PRTFDC1: variants seen among roughly 807,000 people sequenced by gnomAD.
PRTFDC1 encodes the protein phosphoribosyltransferase domain-containing protein 1.
A neutral mutation model predicts 34.6 loss-of-function variants in PRTFDC1; 38 were observed. That is an observed-to-expected ratio of 1.10 (90% CI 0.85 to 1.44). The LOEUF is 1.44. PRTFDC1 is among the 40% of genes most tolerant of loss of function. The probability of loss-of-function intolerance (pLI) is 0.00; values close to 1 mark genes in which losing one functional copy is unlikely to be tolerated. For synonymous variants in PRTFDC1, 93 were observed against 98.1 expected, an observed-to-expected ratio of 0.95 and a Z score of 0.31; for missense variants, 270 against 283.0, an observed-to-expected ratio of 0.95 and a Z score of 0.33.
intron 3 of PRTFDC1, among the ~76,000 whole-genome samples, chr10:24,898,994 C>T (rs1848411773): frequency 6.6e-6 from 1 of 152,152 alleles, no homozygotes. Flanking sequence ...CTCACCAGAA[C>T]CCAGCCATGC....
At chr10:24,911,432 T>C (rs1173236588) in intron 3 of PRTFDC1, among the ~76,000 whole-genome samples, 1 of 152,246 alleles carries the variant, frequency 6.6e-6, no homozygotes, top group African/African-American at 2.4e-5. Flanking sequence ...CGTTGCTTTG[T>C]ATTGCTGAGT....
chr10:24,857,080 T>C, intron 5 of PRTFDC1, 85 bp from the exon 6 acceptor site: 3 of 1,095,382 alleles, frequency 2.7e-6, no homozygotes, highest in Non-Finnish European at 4.2e-6. Context: ...TCCTGATTAA[T>C]AATGCATCGT....
chr10:24,910,970 C>CT (rs1488557132), intron 3 of PRTFDC1, among the ~76,000 whole-genome samples: 1 of 151,438 alleles, frequency 6.6e-6, no homozygotes, highest in Non-Finnish European at 1.5e-5. Flanking sequence ...CAGCTAAGTA[C>CT]TTTTTTTCAA....
In PRTFDC1 at chr10:24,898,332, C is replaced by T. The variant is rs186612818; in HGVS notation, c.340-26269G>A. Reference sequence around the variant, plus strand: ...CACAAAAATTAGCTGGGCCTGGTGGCGCACACCTGGAGTGTCAGCTACTCG... The same window carrying T: ...CACAAAAATTAGCTGGGCCTGGTGGTGCACACCTGGAGTGTCAGCTACTCG... On this transcript the variant is annotated intron_variant, in intron 3 of 8. Transcript: ENST00000320152. Among the ~76,000 whole-genome samples, 5 of 148,342 alleles carry T rather than the reference C, an allele frequency of 3.4e-5. No individual in the cohort carries two copies. In the East Asian group the frequency reaches 7.9e-4, roughly 23 times the overall value.
chr10:24,952,296 A>G lies in PRTFDC1; in HGVS notation c.48+232T>C, dbSNP rs1486557759. ...GCAGGAGCGAGCTACCGGCCGGAGG[A>G]CACGGGGGGACGCTGGGAACTCGGG... is the stretch of plus-strand genomic sequence containing the variant. On this transcript the variant is annotated intron_variant, in intron 1 of 8. Coordinates refer to ENST00000320152, the MANE Select transcript of PRTFDC1 (RefSeq NM_020200.7). This position sits in a 1 kb window ranked among gnomAD's most constrained non-coding sequence, Gnocchi z 5.1. Among the ~76,000 whole-genome samples the G allele has an allele frequency of 3.3e-5, 5 of 151,556 alleles. No individual in the cohort carries two copies. The highest frequency in any genetic ancestry group is 7.4e-5 in the Non-Finnish European group (5 of 67,908).
At chr10:24,951,222 T>C (rs1050984613) in intron 1 of PRTFDC1, among the ~76,000 whole-genome samples, 1 of 151,896 alleles carries the variant, frequency 6.6e-6, no homozygotes, top group African/African-American at 2.4e-5. Flanking sequence ...AAAGCATCAC[T>C]CCCCCCTTCT....
chr10:24,889,315 G>A (rs1025097754), intron 3 of PRTFDC1, among the ~76,000 whole-genome samples: 9 of 151,976 alleles, frequency 5.9e-5, no homozygotes, highest in East Asian at 5.8e-4. Context: ...ATCTGCCAGC[G>A]CCTTGATCTG....
chr10:24,923,832 G>A (rs1848829403), intron 3 of PRTFDC1, among the ~76,000 whole-genome samples: 2 of 152,164 alleles, frequency 1.3e-5, no homozygotes, highest in South Asian at 4.1e-4. Flanking sequence ...GGTTTCAGAA[G>A]GTCGGTAATA....
At chr10:24,922,986 G>A (rs1270053995) in intron 3 of PRTFDC1, among the ~76,000 whole-genome samples, 1 of 152,248 alleles carries the variant, frequency 6.6e-6, no homozygotes, top group East Asian at 1.9e-4. Flanking sequence ...CAGACAAAGA[G>A]ATTCCATCCT....
chr10:24,894,120 A>T (rs928933810), intron 3 of PRTFDC1, among the ~76,000 whole-genome samples: 1 of 152,194 alleles, frequency 6.6e-6, no homozygotes, highest in African/African-American at 2.4e-5. Flanking sequence ...CCACGAGGTC[A>T]GGAGATGGAG....
intron 3 of PRTFDC1, among the ~76,000 whole-genome samples, chr10:24,936,812 T>G (rs991128168): frequency 1.3e-5 from 2 of 152,120 alleles, no homozygotes; most frequent in Non-Finnish European, 2.9e-5. Flanking sequence ...CACCCTCCCA[T>G]AGGTCCCCAG....
chr10:24,910,219 G>A (rs992458948), intron 3 of PRTFDC1, among the ~76,000 whole-genome samples: 2 of 152,048 alleles, frequency 1.3e-5, no homozygotes, highest in South Asian at 2.1e-4. Context: ...TGAAGATTCA[G>A]CAAATTAAGA....
At chr10:24,908,755 G>A (rs1331260506) in intron 3 of PRTFDC1, 37 of 1,491,504 alleles carry the variant, frequency 2.5e-5, no homozygotes, top group South Asian at 1.9e-4. Context: ...CGATCAGCCT[G>A]ATCAACCCTA....
chr10:24,941,464 C>A (rs967776566), intron 2 of PRTFDC1, among the ~76,000 whole-genome samples: 5 of 151,960 alleles, frequency 3.3e-5, no homozygotes, highest in African/African-American at 1.2e-4. Context: ...ACACTTCAGC[C>A]TCTGGAGTAG....
At chr10:24,856,653 T>C (rs1847582315) in intron 6 of PRTFDC1, among the ~76,000 whole-genome samples, 1 of 152,148 alleles carries the variant, frequency 6.6e-6, no homozygotes, top group Non-Finnish European at 1.5e-5. Flanking sequence ...CGGGGGCTCA[T>C]CCAGCTGCTC....
intron 3 of PRTFDC1, among the ~76,000 whole-genome samples, chr10:24,890,812 G>A (rs1195990805): frequency 6.6e-6 from 1 of 152,218 alleles, no homozygotes; most frequent in African/African-American, 2.4e-5. Flanking sequence ...CTGCCTGGCA[G>A]CTTTGGGCAG....
intron 3 of PRTFDC1, among the ~76,000 whole-genome samples, chr10:24,896,998 C>G (rs1006763301): frequency 6.6e-6 from 1 of 152,110 alleles, no homozygotes; most frequent in African/African-American, 2.4e-5. Context: ...TTGCTTAAGT[C>G]CAGGAGTTCA....
intron 3 of PRTFDC1, 119 bp downstream of exon 3, chr10:24,937,065 C>T: frequency 3.3e-6 from 3 of 918,102 alleles, no homozygotes; most frequent in Non-Finnish European, 4.8e-6. Flanking sequence ...TTAAAATTAC[C>T]CTTCATTTTC....
rs1278543476 is a variant in PRTFDC1, at chr10:24,934,283, CGAA to C, written c.339+2898_339+2900del. ...AGAAGAAGAAGAAGAAGAACTGATACGAAGAAGAAGAAGAACTGATACTGTAAA... is the reference window on the plus strand; with the variant it reads ...AGAAGAAGAAGAAGAAGAACTGATACGAAGAAGAAGAACTGATACTGTAAA... On this transcript the variant is annotated intron_variant, in intron 3 of 8. Coordinates refer to ENST00000320152, the MANE Select transcript of PRTFDC1 (RefSeq NM_020200.7). Among the ~76,000 whole-genome samples, 12 of 151,412 alleles carry C rather than the reference CGAA, an allele frequency of 7.9e-5. No homozygotes were observed. In the East Asian group the frequency reaches 1.9e-3, roughly 25 times the overall value.
Sources: gnomAD v4.1 joint callset for allele counts (sites outside exome capture counted in the v4.1 genomes callset) on GRCh38, gnomAD v4.1.1 for gene constraint, Gnocchi (gnomAD v3.1) non-coding constraint, MANE v1.5 for transcripts, NCBI Gene and HGNC (gene_info 2026-07-23, HGNC 2026-07-21) for gene names.